LDLRAD3: variants seen among roughly 807,000 people sequenced by gnomAD.
LDLRAD3 encodes low density lipoprotein receptor class A domain containing 3, also known as low-density lipoprotein receptor class A domain-containing protein 3.
A neutral mutation model predicts 29.4 loss-of-function variants in LDLRAD3; 20 were observed. The observed-to-expected ratio is 0.68, with a 90% CI of 0.48 to 0.99. The LOEUF (loss-of-function observed/expected upper bound fraction) is 0.99. Ranked by LOEUF, LDLRAD3 falls within the 50% of genes least tolerant of loss-of-function variation. The probability of loss-of-function intolerance (pLI) is 0.00; values close to 1 mark genes in which losing one functional copy is unlikely to be tolerated. For missense variants in LDLRAD3, 420 were observed against 454.3 expected (o/e 0.92, Z 0.69); for synonymous variants, 157 against 192.7 (o/e 0.81, Z 1.53).
intron 3 of LDLRAD3, among the ~76,000 whole-genome samples, chr11:36,090,121 G>C (rs751188343): frequency 6.6e-6 from 1 of 152,156 alleles, no homozygotes; most frequent in African/African-American, 2.4e-5. Flanking sequence ...TTTGAGCCCA[G>C]GTGGACTTCA....
At chr11:36,085,608 AT>A (rs1191780547) in intron 3 of LDLRAD3, among the ~76,000 whole-genome samples, 1 of 151,494 alleles carries the variant, frequency 6.6e-6, no homozygotes, top group Non-Finnish European at 1.5e-5. Flanking sequence ...GTGAGTTTTT[AT>A]TTTTTTATAT....
At chr11:36,223,201 C>T (rs1855453053) in intron 4 of LDLRAD3, among the ~76,000 whole-genome samples, 1 of 152,162 alleles carries the variant, frequency 6.6e-6, no homozygotes, top group African/African-American at 2.4e-5. Flanking sequence ...ATTTCTCAGG[C>T]AAATGTGATC....
intron 1 of LDLRAD3, among the ~76,000 whole-genome samples, chr11:35,991,075 T>C (rs1388939125): frequency 6.6e-6 from 1 of 152,236 alleles, no homozygotes; most frequent in Non-Finnish European, 1.5e-5. Flanking sequence ...TTTTCAGACC[T>C]TGGAGGCTAT....
chr11:36,043,195 C>T (rs1852404714), intron 2 of LDLRAD3, among the ~76,000 whole-genome samples: 1 of 152,086 alleles, frequency 6.6e-6, no homozygotes, highest in African/African-American at 2.4e-5. Flanking sequence ...GCCTGTAATC[C>T]CAGCTACTTG....
At chr11:35,978,495 C>T (rs1851502112) in intron 1 of LDLRAD3, among the ~76,000 whole-genome samples, 1 of 152,166 alleles carries the variant, frequency 6.6e-6, no homozygotes, top group Non-Finnish European at 1.5e-5. Context: ...TACTAAACTC[C>T]TTGATTCAAG....
intron 1 of LDLRAD3, among the ~76,000 whole-genome samples, chr11:36,000,737 T>A (rs2133177295): frequency 6.6e-6 from 1 of 152,210 alleles, no homozygotes; most frequent in South Asian, 2.1e-4. Flanking sequence ...CCATGAGTCT[T>A]CAAGCTGGGG....
At chr11:36,123,713 T>TG (rs1428959238) in intron 4 of LDLRAD3, among the ~76,000 whole-genome samples, 1 of 152,358 alleles carries the variant, frequency 6.6e-6, no homozygotes, top group Admixed American at 6.5e-5. Flanking sequence ...TGTCTGCCCC[T>TG]TGGCCTGGCA....
intron 4 of LDLRAD3, among the ~76,000 whole-genome samples, chr11:36,198,987 G>A (rs1312921939): frequency 2.6e-5 from 4 of 152,008 alleles, no homozygotes; most frequent in Admixed American, 6.6e-5. Context: ...TGCAAGCTCC[G>A]CCTCCGGGGT....
intron 4 of LDLRAD3, among the ~76,000 whole-genome samples, chr11:36,221,782 T>A (rs1012713689): frequency 5.3e-5 from 8 of 152,192 alleles, no homozygotes; most frequent in Admixed American, 2.0e-4. Flanking sequence ...AATCTCCCTC[T>A]CCACAAGCAT....
At chr11:36,148,757 G>A (rs528716715) in intron 4 of LDLRAD3, among the ~76,000 whole-genome samples, 1 of 152,290 alleles carries the variant, frequency 6.6e-6, no homozygotes, top group African/African-American at 2.4e-5. Flanking sequence ...TATCTTCAAA[G>A]GTCTGAGGGA....
intron 4 of LDLRAD3, among the ~76,000 whole-genome samples, chr11:36,183,635 T>G (rs1218343205): frequency 1.3e-5 from 2 of 151,946 alleles, no homozygotes; most frequent in African/African-American, 2.4e-5. Flanking sequence ...TTCCTGGGAC[T>G]CAACCTAGTC....
At chr11:35,981,988 C>T (rs950562748) in intron 1 of LDLRAD3, among the ~76,000 whole-genome samples, 5 of 152,142 alleles carry the variant, frequency 3.3e-5, no homozygotes, top group Admixed American at 2.0e-4. Context: ...GTTGTTTCCT[C>T]GGCTGTTCTG....
In LDLRAD3 at chr11:36,100,029, G is replaced by A. The variant is rs140906993; in HGVS notation, c.454+1568G>A. ...AGAACTCCGAAAATGCAGTTGTTCA[G>A]GCGCCATTCTAGACCAGCTAAATCA... On this transcript the variant is annotated intron_variant, in intron 4 of 5. Transcript: ENST00000315571. Among the ~76,000 whole-genome samples, 913 of 152,180 alleles carry A rather than the reference G, an allele frequency of 6.0e-3. 10 individuals carry two copies. The highest frequency in any genetic ancestry group is 0.021 in the African/African-American group (866 of 41,514).
chr11:36,066,810 C>A (rs1011532501), intron 2 of LDLRAD3, among the ~76,000 whole-genome samples: 1 of 152,162 alleles, frequency 6.6e-6, no homozygotes, highest in Admixed American at 6.5e-5. Context: ...GAGGAGATTT[C>A]CTTGACTTTC....
intron 2 of LDLRAD3, among the ~76,000 whole-genome samples, chr11:36,057,830 G>A (rs1244722155): frequency 2.6e-5 from 4 of 152,036 alleles, no homozygotes; most frequent in South Asian, 2.1e-4. Context: ...ACACATTTGC[G>A]TCACCATTTC....
chr11:36,165,820 T>G (rs2133342408), intron 4 of LDLRAD3, among the ~76,000 whole-genome samples: 1 of 151,450 alleles, frequency 6.6e-6, no homozygotes. Context: ...ATCCAAAGAT[T>G]CTAGTTAACA....
intron 4 of LDLRAD3, among the ~76,000 whole-genome samples, chr11:36,140,809 T>C (rs774221160): frequency 1.3e-5 from 2 of 152,170 alleles, no homozygotes; most frequent in African/African-American, 2.4e-5. Flanking sequence ...AAATAGACTT[T>C]CAGGTTGCAA....
chr11:36,157,104 G>A (rs941154671), intron 4 of LDLRAD3, among the ~76,000 whole-genome samples: 1 of 152,164 alleles, frequency 6.6e-6, no homozygotes, highest in Non-Finnish European at 1.5e-5. Context: ...ATTCTATTAA[G>A]GGCAATCTTT....
intron 2 of LDLRAD3, among the ~76,000 whole-genome samples, chr11:36,057,025 A>G (rs1285158370): frequency 1.3e-5 from 2 of 152,160 alleles, no homozygotes; most frequent in Non-Finnish European, 2.9e-5. Flanking sequence ...TGAGGTCTAC[A>G]CTTTGAGCCA....
Sources: gnomAD v4.1 joint callset for allele counts (sites outside exome capture counted in the v4.1 genomes callset) on GRCh38, gnomAD v4.1.1 for gene constraint, MANE v1.5 for transcripts, NCBI Gene and HGNC (gene_info 2026-07-23, HGNC 2026-07-21) for gene names.